NLRC5: variants seen among roughly 807,000 people sequenced by gnomAD.
NLRC5 encodes the protein NLR family CARD domain containing 5.
Under a neutral mutation model 206.9 loss-of-function variants are expected in NLRC5, and 114 were observed. The observed-to-expected ratio is 0.55, with a 90% CI of 0.47 to 0.64. The LOEUF (loss-of-function observed/expected upper bound fraction) is 0.64, where lower values mean the gene tolerates loss of function less well. Ranked by LOEUF, NLRC5 falls within the 30% of genes least tolerant of loss-of-function variation. The pLI is 0.00. For synonymous variants in NLRC5, 952 were observed against 962.8 expected (o/e 0.99, Z 0.21); for missense variants, 2,008 against 2,305.5 (o/e 0.87, Z 2.64).
intron 37 of NLRC5, 126 bp from the exon 38 acceptor site, chr16:57,070,409 C>A: frequency 1.3e-6 from 1 of 768,076 alleles, no homozygotes; most frequent in Non-Finnish European, 2.2e-6. Context: ...GCGAGGGTGG[C>A]CCAGGGCATG....
At position 57,005,870 on chromosome 16, in the gene NLRC5, C is replaced by T. The variant is rs181975711; in HGVS notation, c.-127-11204C>T. Among the ~76,000 whole-genome samples the T allele has an allele frequency of 2.1e-3, 312 of 151,544 alleles. 4 individuals are homozygous for T. The highest frequency in any genetic ancestry group is 7.3e-3 in the African/African-American group (300 of 41,324). ...AGGAGGTGGAGACTGCAGTGAGCCACGACCACACCACTGCACTCCAGCCTG... is the reference window on the plus strand; with the variant it reads ...AGGAGGTGGAGACTGCAGTGAGCCATGACCACACCACTGCACTCCAGCCTG... On this transcript the variant is annotated intron_variant, in intron 1 of 48. Coordinates refer to ENST00000688547, the MANE Select transcript of NLRC5 (RefSeq NM_001384950.1).
chr16:57,041,548 C>G lies in NLRC5; in HGVS notation c.3003C>G (p.Ser1001Arg). ...AGCTCTGCAAGGCTCTGGGAGGAAGCTGCCACCTCGGTCACCTCCACCTCG... is the reference window on the plus strand; with the variant it reads ...AGCTCTGCAAGGCTCTGGGAGGAAGGTGCCACCTCGGTCACCTCCACCTCG... ...LEQLCKALGG[S>R]CHLGHLHLDF... Residue 1001 changes from serine to arginine, a missense_variant, in exon 18 of 49, where the codon AGC becomes AGG. Ser to Arg is a moderately radical substitution (Grantham distance 110). Coordinates refer to ENST00000688547, the MANE Select transcript of NLRC5 (RefSeq NM_001384950.1). The G allele has an allele frequency of 6.2e-7, 1 of 1,614,120 alleles. No homozygotes were observed. The highest frequency in any genetic ancestry group is 1.3e-5 in the African/African-American group (1 of 75,040).
chr16:57,072,047 T>C (rs1484109229), intron 38 of NLRC5, among the ~76,000 whole-genome samples: 2 of 152,072 alleles, frequency 1.3e-5, no homozygotes, highest in African/African-American at 2.4e-5. Context: ...CTCAAAGCAA[T>C]CCAAGACAGA....
rs1317102266 is a variant in NLRC5, at chr16:57,025,374, C to A, written c.431C>A (p.Ala144Asp). The A allele has an allele frequency of 2.6e-6, 4 of 1,534,474 alleles. No homozygotes were observed. In the East Asian group the frequency reaches 6.8e-5, roughly 26 times the overall value. Residue 144 changes from alanine to aspartate, a missense_variant, in exon 6 of 49, where the codon GCC (alanine) becomes GAC (aspartate). Coordinates refer to ENST00000688547, the MANE Select transcript of NLRC5 (RefSeq NM_001384950.1). ...ATGTCCCTGCCCCTTGCAGAGTTGG[C>A]CAAGAAGTACCTGCAGCTCCTGCGG... ...KQCKKQQLEL[A>D]KKYLQLLRTS...
chr16:57,025,808 G>A lies in NLRC5; in HGVS notation c.865G>A (p.Asp289Asn), dbSNP rs929168133. ...GTACCTGAGCCCTGAATCGGACCAC[G>A]ACACTGTCTTCCAGTACCTGGAGAA... Reference protein sequence around the residue: ...DLYLSPESDHDTVFQYLEKNA... With the variant: ...DLYLSPESDHNTVFQYLEKNA... The change falls in exon 6 of 49, where the codon GAC (aspartate) becomes AAC (asparagine). Residue 289 changes from aspartate (D) to asparagine (N), a missense_variant. Transcript: ENST00000688547. 9.9e-6 allele frequency: 16 copies of A among 1,614,230 alleles called. No homozygotes were observed. The highest frequency in any genetic ancestry group is 1.2e-5 in the Non-Finnish European group (14 of 1,180,036).
chr16:57,060,097 G>A (rs532803093), intron 30 of NLRC5, among the ~76,000 whole-genome samples: 2 of 149,664 alleles, frequency 1.3e-5, no homozygotes, highest in Non-Finnish European at 3.0e-5. Context: ...TCACTGCCAC[G>A]GCCAGTTCCT....
rs753183352 is a variant in NLRC5 at position 57,058,962 on chromosome 16, TC to T, written c.3831-7del. The stretch of plus-strand genomic sequence containing the variant: ...CCTCACTCCCATTCTCATCTCCATT[TC>T]CCTTCTAGTCTGAGTCACAACAGCA... On this transcript the variant is annotated splice_polypyrimidine_tract_variant and intron_variant, in intron 28 of 48. Transcript: ENST00000688547. The T allele has an allele frequency of 3.1e-6, 5 of 1,613,426 alleles. No individual in the cohort carries two copies. In the South Asian group the frequency reaches 5.5e-5, roughly 18 times the overall value.
chr16:57,028,337 G>C lies in NLRC5; in HGVS notation c.2195G>C (p.Ser732Thr). ...AGSKITARGI[S>T]HLVKALPLCP... Reference sequence around the variant, plus strand: ...AGTAAAATCACTGCCCGAGGCATCAGCCACCTGGTGAAAGCTTTGCCTCTC... The same window carrying C: ...AGTAAAATCACTGCCCGAGGCATCACCCACCTGGTGAAAGCTTTGCCTCTC... The change falls in exon 8 of 49, where the codon AGC becomes ACC. Residue 732 changes from serine (S) to threonine (T), a missense_variant. Physicochemically the swap from Ser to Thr is moderately conservative, Grantham distance 58 (BLOSUM62 1). Transcript: ENST00000688547. The C allele has an allele frequency of 2.5e-6, 4 of 1,614,158 alleles. No homozygotes were observed. Among genetic ancestry groups the C allele is most frequent in the Non-Finnish European group, 1.7e-6 (2 of 1,180,016 alleles).
intron 22 of NLRC5, among the ~76,000 whole-genome samples, chr16:57,047,043 G>A (rs2064075458): frequency 6.6e-6 from 1 of 152,214 alleles, no homozygotes; most frequent in South Asian, 2.1e-4. Flanking sequence ...CCCTGACTTG[G>A]CCCCACCTCT....
At chr16:57,054,908 G>C (rs1001085462) in intron 25 of NLRC5, 68 bp downstream of exon 25, 2 of 1,587,100 alleles carry the variant, frequency 1.3e-6, no homozygotes, top group Non-Finnish European at 1.7e-6. Flanking sequence ...GTGGGTATGA[G>C]GGGGTAGGAT....
intron 2 of NLRC5, among the ~76,000 whole-genome samples, chr16:57,017,725 T>C (rs2060235734): frequency 6.6e-6 from 1 of 152,258 alleles, no homozygotes; most frequent in Non-Finnish European, 1.5e-5. Flanking sequence ...ACTACAGGCA[T>C]GACATGAGTC....
intron 1 of NLRC5, chr16:57,013,204 G>T (rs746882122): frequency 1.4e-5 from 6 of 442,888 alleles, no homozygotes; most frequent in African/African-American, 4.2e-5. Context: ...CTTCATTAAA[G>T]GTTGCGAACA....
chr16:57,053,027 T>G, intron 24 of NLRC5: 1 of 152,254 alleles, frequency 6.6e-6, no homozygotes. Context: ...GGCCAGGCAT[T>G]GTGTGACGAC....
chr16:57,041,970 C>T lies in NLRC5; in HGVS notation c.3030-12C>T. 6.4e-7 allele frequency: 1 copy of T among 1,558,018 alleles called. No homozygotes were observed. The highest frequency in any genetic ancestry group is 8.6e-7 in the Non-Finnish European group (1 of 1,156,972). On this transcript the variant is annotated splice_polypyrimidine_tract_variant and intron_variant, in intron 18 of 48. Transcript: ENST00000688547. ...CTGCTAATGTTCTCCCCTCCCTTCT[C>T]CCCACCCCCAGCTTCTCAGGCAATG...
intron 12 of NLRC5, 43 bp from the exon 13 acceptor site, chr16:57,034,125 G>A (rs984770611): frequency 5.2e-6 from 8 of 1,548,668 alleles, no homozygotes; most frequent in Admixed American, 3.4e-5. Flanking sequence ...ATGGAGTAGG[G>A]GCTGTTTGCC....
chr16:57,079,961 C>T (rs1410772909), intron 46 of NLRC5, among the ~76,000 whole-genome samples: 1 of 152,158 alleles, frequency 6.6e-6, no homozygotes, highest in East Asian at 1.9e-4. Context: ...ACCACCTTGC[C>T]TGCTTGATGA....
At chr16:57,035,865 G>A (rs568441282) in intron 13 of NLRC5, among the ~76,000 whole-genome samples, 3 of 152,338 alleles carry the variant, frequency 2.0e-5, no homozygotes, top group African/African-American at 7.2e-5. Context: ...TCAGTAAGGT[G>A]AGGATAATTA....
chr16:57,036,708 G>A (rs1357202873), intron 14 of NLRC5, among the ~76,000 whole-genome samples: 1 of 151,984 alleles, frequency 6.6e-6, no homozygotes, highest in Non-Finnish European at 1.5e-5. Context: ...GGTCGGGTTT[G>A]GGGAGTGTTG....
intron 27 of NLRC5, 102 bp from the exon 28 acceptor site, chr16:57,057,963 G>A: frequency 1.1e-6 from 1 of 898,356 alleles, no homozygotes; most frequent in Non-Finnish European, 1.8e-6. Flanking sequence ...CTGACATGGG[G>A]TCCAGTAGCA....
Sources: gnomAD v4.1 joint callset for allele counts (sites outside exome capture counted in the v4.1 genomes callset) on GRCh38, gnomAD v4.1.1 for gene constraint, MANE v1.5 for transcripts, NCBI Gene and HGNC (gene_info 2026-07-23, HGNC 2026-07-21) for gene names.